The following HTD2 variants were observed in gnomAD, a reference collection of about 807,000 sequenced individuals.
HTD2 encodes hydroxyacyl-thioester dehydratase type 2, mitochondrial.
Under a neutral mutation model 3.1 loss-of-function variants are expected in HTD2, and 1 was observed. That is an observed-to-expected ratio of 0.32 (90% CI 0.11 to 1.52). HTD2 has a LOEUF of 1.52. Ranked by LOEUF, HTD2 falls within the 40% of genes most tolerant of loss-of-function variation. The pLI is 0.39. For synonymous variants in HTD2, 50 were observed against 28.9 expected (o/e 1.73, Z -2.34); for missense variants, 150 against 79.6 (o/e 1.88, Z -3.36).
intron 1 of HTD2, among the ~76,000 whole-genome samples, chr3:58,309,079 G>T (rs2097479045): frequency 6.6e-6 from 1 of 152,192 alleles, no homozygotes; most frequent in Admixed American, 6.5e-5. Context: ...AGATAGTCTT[G>T]CACAGACCTG....
At chr3:58,310,786 T>A (rs925058346) in intron 2 of HTD2, among the ~76,000 whole-genome samples, 195 bp downstream of exon 2, 1 of 151,928 alleles carries the variant, frequency 6.6e-6, no homozygotes, top group Non-Finnish European at 1.5e-5. Context: ...AAAGATAAGC[T>A]GGGTGTGGTG....
At chr3:58,310,304 T>G in intron 1 of HTD2, 1 of 1,606,204 alleles carries the variant, frequency 6.2e-7, no homozygotes, top group Non-Finnish European at 8.5e-7. Context: ...CTTGACTTAC[T>G]GTAGGTGTGA....
intron 2 of HTD2, among the ~76,000 whole-genome samples, chr3:58,312,162 G>GT (rs1362240579): frequency 6.6e-6 from 1 of 152,116 alleles, no homozygotes; most frequent in Non-Finnish European, 1.5e-5. Context: ...CCTATTTTTA[G>GT]TTTTTTGGGA....
rs574415685 is a variant in HTD2 at position 58,316,177 on chromosome 3, C to T, written c.-330-338C>T. Among the ~76,000 whole-genome samples, 67 of 152,230 alleles carry T rather than the reference C, an allele frequency of 4.4e-4. No individual in the cohort carries two copies. The South Asian group carries it at 7.5e-3, about 17-fold the overall frequency. ...TCTTGTAGTAGGAAAACATGTTGGA[C>T]AATTAGTGACAAGAATAAAGGGAAT... is the stretch of plus-strand genomic sequence containing the variant. On this transcript the variant is annotated intron_variant, in intron 2 of 4. Transcript: ENST00000461393.
At chr3:58,315,985 A>G (rs2097487867) in intron 2 of HTD2, among the ~76,000 whole-genome samples, 2 of 152,196 alleles carry the variant, frequency 1.3e-5, no homozygotes, top group African/African-American at 2.4e-5. Flanking sequence ...CAATCCCTGT[A>G]CATTTCTTTG....
chr3:58,310,433 T>C, intron 1 of HTD2, 74 bp from the exon 2 acceptor site: 1 of 1,611,036 alleles, frequency 6.2e-7, no homozygotes, highest in Non-Finnish European at 8.5e-7. Flanking sequence ...AAGTTCTATT[T>C]TAGATTACTT....
intron 4 of HTD2, 87 bp downstream of exon 4, chr3:58,317,080 C>A: frequency 2.1e-6 from 2 of 956,928 alleles, no homozygotes; most frequent in Non-Finnish European, 3.3e-6. Context: ...TTTGTGCTTG[C>A]ATAAATGTAA....
At chr3:58,314,008 A>G (rs2097485193) in intron 2 of HTD2, among the ~76,000 whole-genome samples, 1 of 152,228 alleles carries the variant, frequency 6.6e-6, no homozygotes, top group Non-Finnish European at 1.5e-5. Flanking sequence ...GTAAACTATG[A>G]TTGCACTACT....
intron 2 of HTD2, among the ~76,000 whole-genome samples, chr3:58,315,003 C>CTA (rs549587864): frequency 2.6e-4 from 40 of 152,030 alleles, no homozygotes; most frequent in Non-Finnish European, 5.4e-4. Context: ...CTTTAACAAA[C>CTA]TAAACGTGCA....
intron 3 of HTD2, 23 bp downstream of exon 3, chr3:58,316,614 T>C: frequency 6.3e-7 from 1 of 1,598,050 alleles, no homozygotes; most frequent in South Asian, 1.1e-5. Flanking sequence ...GTGGGAAATT[T>C]CTAGTATAAC....
chr3:58,319,852 T>C lies in HTD2; in HGVS notation c.*1732T>C, dbSNP rs1199312442. On this transcript the variant is annotated 3_prime_UTR_variant, in exon 5 of 5. Coordinates refer to ENST00000461393, the MANE Select transcript of HTD2 (RefSeq NM_001348712.2). ...GAGATATAATTCACATACCATAAAA[T>C]TCACCTTTTAAAAGTGTACAGTTTA... 6.6e-6 allele frequency: 1 copy of C among 152,140 alleles called. No individual in the cohort carries two copies. The highest frequency in any genetic ancestry group is 1.5e-5 in the Non-Finnish European group (1 of 68,028). 9.4% of individuals were successfully genotyped at this position (152,140 alleles called of 1,614,324 possible).
intron 4 of HTD2, 125 bp from the exon 5 acceptor site, chr3:58,317,315 A>G (rs1263655115): frequency 1.5e-6 from 1 of 660,268 alleles, no homozygotes; most frequent in African/African-American, 1.8e-5. Flanking sequence ...GCTTCCTCTC[A>G]GGATGCTCTG....
At chr3:58,314,617 C>T (rs2097486223) in intron 2 of HTD2, among the ~76,000 whole-genome samples, 1 of 149,950 alleles carries the variant, frequency 6.7e-6, no homozygotes, top group African/African-American at 2.4e-5. Flanking sequence ...CTAGATCACT[C>T]ATACACTACA....
intron 1 of HTD2, chr3:58,307,846 A>G (rs2097477200): frequency 6.6e-6 from 1 of 151,498 alleles, no homozygotes; most frequent in African/African-American, 2.4e-5. Flanking sequence ...TGCAGAGGGC[A>G]GTGCTGTCAT....
intron 2 of HTD2, 153 bp from the exon 3 acceptor site, chr3:58,316,362 A>G: frequency 1.6e-6 from 1 of 633,902 alleles, no homozygotes; most frequent in Non-Finnish European, 2.8e-6. Flanking sequence ...AGGCAGGGGG[A>G]GCTGTAAGTA....
intron 2 of HTD2, among the ~76,000 whole-genome samples, chr3:58,312,147 C>T (rs62259332): frequency 0.23 from 35,123 of 152,192 alleles, 5,901 homozygotes; most frequent in East Asian, 0.81. Context: ...AGCCACTGCA[C>T]CTGACCTATT....
rs2097491500 is a variant in HTD2, at chr3:58,318,974, C to CA, written c.*855dup. 1 of 147,764 alleles carries CA rather than the reference C, an allele frequency of 6.8e-6. No individual in the cohort carries two copies. Among genetic ancestry groups the CA allele is most frequent in the South Asian group, 2.1e-4 (1 of 4,694 alleles). 9.2% of individuals were successfully genotyped at this position (147,764 alleles called of 1,614,324 possible). ...CACCACTGCACTTCAGCCTGGGTGA[C>CA]AGAGCAAAACTCCACCTCAAAAAAA... is the stretch of plus-strand genomic sequence containing the variant. On this transcript the variant is annotated 3_prime_UTR_variant, in exon 5 of 5. Transcript: ENST00000461393.
At chr3:58,310,253 A>G in intron 1 of HTD2, 1 of 1,400,516 alleles carries the variant, frequency 7.1e-7, no homozygotes, top group Non-Finnish European at 1.0e-6. Flanking sequence ...TTCTCATCAA[A>G]ACTCTGAAAA....
rs1159398650 is a variant in HTD2 at position 58,317,021 on chromosome 3, A to G, written c.-175+28A>G. On this transcript the variant is annotated intron_variant, in intron 4 of 4. Coordinates refer to ENST00000461393, the MANE Select transcript of HTD2 (RefSeq NM_001348712.2). Reference sequence around the variant, plus strand: ...AAAGACTATTCCCTCACATATTCCAAACAAGACTGAGTGATGGGTCAACTG... The same window carrying G: ...AAAGACTATTCCCTCACATATTCCAGACAAGACTGAGTGATGGGTCAACTG... 2.0e-6 allele frequency: 3 copies of G among 1,531,720 alleles called. No individual in the cohort carries two copies. The South Asian group carries it at 3.4e-5, about 17-fold the overall frequency. The allele number at this position is 1,531,720 out of a possible 1,614,324, so 94.9% of individuals were successfully genotyped here. A position where few individuals can be genotyped will look rare whatever the true frequency, so the allele number is the denominator to read the frequency against.
Sources: gnomAD v4.1 joint callset for allele counts (sites outside exome capture counted in the v4.1 genomes callset) on GRCh38, gnomAD v4.1.1 for gene constraint, MANE v1.5 for transcripts, NCBI Gene and HGNC (gene_info 2026-07-23, HGNC 2026-07-21) for gene names.